DIAPH2: variants seen among roughly 807,000 people sequenced by gnomAD.
DIAPH2 encodes the protein diaphanous related formin 2, also known as protein diaphanous homolog 2.
Under a neutral mutation model 92.7 loss-of-function variants are expected in DIAPH2, and 35 were observed. The ratio of observed to expected loss-of-function variants is 0.38; its 90% CI spans 0.29 to 0.50. The LOEUF (loss-of-function observed/expected upper bound fraction) is 0.50. Among genes scored for constraint, DIAPH2 ranks in the 20% least tolerant of loss-of-function variants. The pLI is 0.94. For missense variants in DIAPH2, 701 were observed against 819.5 expected (o/e 0.86, Z 1.77); for synonymous variants, 301 against 280.4 (o/e 1.07, Z -0.73).
At chrX:97,288,930 TAAC>T (rs1159343850) in intron 23 of DIAPH2, among the ~76,000 whole-genome samples, 1 of 111,316 alleles carries the variant, frequency 9.0e-6, no homozygotes, top group African/African-American at 3.3e-5. Context: ...CCTTCTCTTG[TAAC>T]AACTTTATTT....
intron 26 of DIAPH2, among the ~76,000 whole-genome samples, chrX:97,447,726 C>T (rs1442887919): frequency 9.0e-6 from 1 of 111,227 alleles, no homozygotes; most frequent in East Asian, 2.8e-4. Context: ...AACAAACCAC[C>T]GTTACATTTT....
Position 97,602,174 on chromosome X carries a change from C to T in DIAPH2, c.*2857C>T, listed in dbSNP as rs980192815. On this transcript the variant is annotated 3_prime_UTR_variant, in exon 27 of 27. Coordinates refer to ENST00000324765, the MANE Select transcript of DIAPH2 (RefSeq NM_006729.5). ...CTTTTAGGAAGCCACTCTTAGCCCA[C>T]CAGAGTCTGCCCTTTGGCCCAAAAT... The T allele has an allele frequency of 2.7e-5, 3 of 112,432 alleles. No individual in the cohort carries two copies. Among genetic ancestry groups the T allele is most frequent in the African/African-American group, 9.7e-5 (3 of 30,920 alleles). 9.3% of individuals were successfully genotyped at this position (112,432 alleles called of 1,213,427 possible).
chrX:96,958,480 G>C (rs1263646080), intron 16 of DIAPH2, among the ~76,000 whole-genome samples: 2 of 111,590 alleles, frequency 1.8e-5, no homozygotes, highest in Non-Finnish European at 3.8e-5. Context: ...TATTTATGGG[G>C]TACATATGAT....
intron 25 of DIAPH2, among the ~76,000 whole-genome samples, chrX:97,411,013 T>C: frequency 9.0e-6 from 1 of 111,481 alleles, no homozygotes; most frequent in Non-Finnish European, 1.9e-5. Flanking sequence ...CTCCCCAACC[T>C]AGCAAGGCAG....
chrX:96,958,002 C>T lies in DIAPH2; in HGVS notation c.1789C>T (p.Pro597Ser), dbSNP rs763583845. ...GGGGATACCACCACCACCCCCACCA[C>T]CACTTTTATTTGGGGGACCTCCTCC... The part of the protein sequence containing the change: ...MMGIPPPPPP[P>S]LLFGGPPPPP... The change falls in exon 16 of 27, where the codon CCA (proline) becomes TCA (serine). Residue 597 changes from proline to serine, a missense_variant. Coordinates refer to ENST00000324765, the MANE Select transcript of DIAPH2 (RefSeq NM_006729.5). The T allele has an allele frequency of 8.3e-7, 1 of 1,210,884 alleles. No homozygotes were observed. The highest frequency in any genetic ancestry group is 1.1e-6 in the Non-Finnish European group (1 of 895,103).
chrX:97,000,442 C>T (rs1264750738), intron 17 of DIAPH2, among the ~76,000 whole-genome samples: 1 of 111,767 alleles, frequency 8.9e-6, no homozygotes, highest in Admixed American at 9.5e-5. Context: ...TCTCTTGATT[C>T]TTAATTTAGT....
intron 26 of DIAPH2, among the ~76,000 whole-genome samples, chrX:97,579,311 C>T (rs1281073673): frequency 9.1e-6 from 1 of 110,118 alleles, no homozygotes; most frequent in Non-Finnish European, 1.9e-5. Flanking sequence ...TTAGGTCTAA[C>T]GTTTAAGTCT....
At chrX:97,094,193 G>C (rs757960509) in intron 19 of DIAPH2, among the ~76,000 whole-genome samples, 14 of 111,569 alleles carry the variant, frequency 1.3e-4, no homozygotes, top group African/African-American at 4.2e-4. Flanking sequence ...TGGAGCTTGA[G>C]GATGCCTAAG....
chrX:96,761,060 A>C (rs1400299768), intron 4 of DIAPH2, among the ~76,000 whole-genome samples: 1 of 111,441 alleles, frequency 9.0e-6, no homozygotes, highest in Non-Finnish European at 1.9e-5. Context: ...AGAAAATGGA[A>C]AACCAAGCTT....
chrX:96,815,250 C>G (rs1014129080), intron 4 of DIAPH2, among the ~76,000 whole-genome samples: 2 of 111,929 alleles, frequency 1.8e-5, no homozygotes, highest in Non-Finnish European at 1.9e-5. Context: ...TGGTGGATGC[C>G]TCTCCCCCTG....
intron 20 of DIAPH2, among the ~76,000 whole-genome samples, chrX:97,109,438 A>G (rs1184041977): frequency 9.0e-6 from 1 of 111,671 alleles, no homozygotes; most frequent in Non-Finnish European, 1.9e-5. Context: ...GTAAAGTGAC[A>G]GAAGTGTGGC....
Position 96,703,021 on chromosome X carries a change from A to T in DIAPH2, c.132+17831A>T, listed in dbSNP as rs753688117. On this transcript the variant is annotated intron_variant, in intron 1 of 26. Transcript: ENST00000324765. Reference sequence around the variant, plus strand: ...GTATACATTTTAGGGGGAAACAGACATTCAGTCCATGACAACGCATAACTG... The same window carrying T: ...GTATACATTTTAGGGGGAAACAGACTTTCAGTCCATGACAACGCATAACTG... Among the ~76,000 whole-genome samples, 20 of 111,850 alleles carry T rather than the reference A, an allele frequency of 1.8e-4. No homozygotes were observed. The Admixed American group carries it at 1.8e-3, about 10-fold the overall frequency.
chrX:96,709,381 A>G (rs1212169728), intron 1 of DIAPH2, among the ~76,000 whole-genome samples: 1 of 112,099 alleles, frequency 8.9e-6, no homozygotes, highest in African/African-American at 3.2e-5. Context: ...AAATTGATAA[A>G]GGCGCTAAAA....
intron 14 of DIAPH2, among the ~76,000 whole-genome samples, chrX:96,945,971 T>A (rs1244543030): frequency 8.9e-6 from 1 of 111,966 alleles, no homozygotes; most frequent in African/African-American, 3.2e-5. Flanking sequence ...TTAGCTAGTC[T>A]TTTCTGTTGT....
Position 97,098,159 on chromosome X carries a change from T to C in DIAPH2, c.2248-1535T>C, listed in dbSNP as rs113139844. On this transcript the variant is annotated intron_variant, in intron 19 of 26. Transcript: ENST00000324765. ...GTACAGTTGTTTTCCATGAGACTTA[T>C]GTTCTGTGTACCCTACCCTAGTTAT... 7.1e-3 allele frequency among the ~76,000 whole-genome samples: 792 copies of C among 111,838 alleles called. 12 individuals are homozygous for C. Among genetic ancestry groups the C allele is most frequent in the African/African-American group, 0.025 (757 of 30,788 alleles).
chrX:97,106,106 T>C (rs1010861836), intron 20 of DIAPH2, among the ~76,000 whole-genome samples: 1 of 111,749 alleles, frequency 8.9e-6, no homozygotes, highest in Non-Finnish European at 1.9e-5. Context: ...TTAGTTTGGA[T>C]AGAAAATTGT....
At chrX:96,741,409 T>C (rs140589148) in intron 3 of DIAPH2, among the ~76,000 whole-genome samples, 68 of 109,260 alleles carry the variant, frequency 6.2e-4, no homozygotes, top group South Asian at 1.2e-3. Context: ...AAAACTGCTC[T>C]TATCAATGTC....
intron 22 of DIAPH2, among the ~76,000 whole-genome samples, chrX:97,145,684 G>A (rs933587803): frequency 3.7e-4 from 41 of 109,748 alleles, no homozygotes; most frequent in African/African-American, 1.3e-3. Flanking sequence ...CACTGTTTGG[G>A]CCATATCAAT....
intron 26 of DIAPH2, among the ~76,000 whole-genome samples, chrX:97,530,740 C>CTA (rs76311218): frequency 0.1 from 11,129 of 111,180 alleles, 596 homozygotes; most frequent in Non-Finnish European, 0.15. Context: ...TTTTAAATTA[C>CTA]TATGATTAAT....
Sources: gnomAD v4.1 joint callset for allele counts (sites outside exome capture counted in the v4.1 genomes callset) on GRCh38, gnomAD v4.1.1 for gene constraint, MANE v1.5 for transcripts, NCBI Gene and HGNC (gene_info 2026-07-23, HGNC 2026-07-21) for gene names.